DYNC2H1: variants seen among roughly 807,000 people sequenced by gnomAD.
DYNC2H1 encodes cytoplasmic dynein 2 heavy chain 1.
In DYNC2H1, 410 loss-of-function variants were observed where a neutral mutation model predicts 570.0. The observed-to-expected ratio is 0.72, with a 90% confidence interval of 0.66 to 0.78. The LOEUF is 0.78. DYNC2H1 is among the 30% of genes least tolerant of loss of function. DYNC2H1 has a pLI of 0.00. For missense variants in DYNC2H1, 4,865 were observed against 5,046.4 expected (o/e 0.96, Z 1.09); for synonymous variants, 1,688 against 1,677.6 (o/e 1.01, Z -0.15).
chr11:103,150,612 A>G (rs1391755297), intron 20 of DYNC2H1, among the ~76,000 whole-genome samples: 2 of 152,162 alleles, frequency 1.3e-5, no homozygotes, highest in Non-Finnish European at 2.9e-5. Flanking sequence ...AGTAAAGGTA[A>G]GGACTACAAA....
Position 103,259,905 on chromosome 11 carries a change from A to G in DYNC2H1, c.10623A>G (p.Glu3541=), listed in dbSNP as rs1865200729. The stretch of plus-strand genomic sequence containing the variant: ...ATCTACAGGATTCTGAAAATACAGA[A>G]CAGAGAATCCAGTCACTTATCAGCT... ...LQNKQDSENT[E]QRIQSLISSL... The change falls in exon 70 of 89, where the codon GAA becomes GAG. Residue 3541 remains glutamate, a synonymous_variant. Coordinates refer to ENST00000375735, the MANE Select transcript of DYNC2H1 (RefSeq NM_001377.3). The G allele has an allele frequency of 3.2e-6, 5 of 1,541,346 alleles. No individual in the cohort carries two copies. The highest frequency in any genetic ancestry group is 4.4e-6 in the Non-Finnish European group (5 of 1,142,170).
rs553234086 is a variant in DYNC2H1, at chr11:103,469,073, G to A, written c.12765+368G>A. Among the ~76,000 whole-genome samples the A allele has an allele frequency of 1.6e-4, 24 of 152,242 alleles. No individual in the cohort carries two copies. The South Asian group carries it at 4.6e-3, about 29-fold the overall frequency. On this transcript the variant is annotated intron_variant, in intron 88 of 88. Coordinates refer to ENST00000375735, the MANE Select transcript of DYNC2H1 (RefSeq NM_001377.3). ...AATCCTCCTCAGAGCAGCCATGCAAGGCAGATATTATTATTCCCACTTTCA... is the reference window on the plus strand; with the variant it reads ...AATCCTCCTCAGAGCAGCCATGCAAAGCAGATATTATTATTCCCACTTTCA...
intron 6 of DYNC2H1, 50 bp from the exon 7 acceptor site, chr11:103,120,397 G>A (rs750035443): frequency 4.1e-6 from 6 of 1,463,300 alleles, no homozygotes; most frequent in African/African-American, 2.8e-5. Flanking sequence ...ACCTATTTAT[G>A]CAAATGGTTG....
intron 54 of DYNC2H1, among the ~76,000 whole-genome samples, chr11:103,213,182 G>A (rs1863224051): frequency 6.6e-6 from 1 of 152,102 alleles, no homozygotes; most frequent in Non-Finnish European, 1.5e-5. Context: ...GGTAAGGCAA[G>A]TGAATGACAG....
At chr11:103,422,101 A>T (rs1253752950) in intron 84 of DYNC2H1, among the ~76,000 whole-genome samples, 2 of 152,304 alleles carry the variant, frequency 1.3e-5, no homozygotes, top group South Asian at 4.1e-4. Flanking sequence ...GAAGAAATGG[A>T]TAAATTCCTG....
intron 81 of DYNC2H1, among the ~76,000 whole-genome samples, 193 bp from the exon 82 acceptor site, chr11:103,323,693 G>C (rs1396165955): frequency 2.0e-5 from 3 of 151,994 alleles, no homozygotes; most frequent in Non-Finnish European, 4.4e-5. Context: ...TCAAATAATT[G>C]AAGTGTGAAG....
At position 103,245,196 on chromosome 11, in the gene DYNC2H1, T is replaced by A. The variant is rs1864566276; in HGVS notation, c.9919-55T>A. 1.5e-6 allele frequency: 2 copies of A among 1,349,370 alleles called. No homozygotes were observed. The highest frequency in any genetic ancestry group is 2.9e-5 in the South Asian group (2 of 69,326). 83.6% of individuals were successfully genotyped at this position (1,349,370 alleles called of 1,614,324 possible). ...CTGTAGAAAATCAAAGAAAGGATGTTTGTAAATATTAAAGTAATTAAATAA... is the reference window on the plus strand; with the variant it reads ...CTGTAGAAAATCAAAGAAAGGATGTATGTAAATATTAAAGTAATTAAATAA... On this transcript the variant is annotated intron_variant, in intron 64 of 88. Coordinates refer to ENST00000375735, the MANE Select transcript of DYNC2H1 (RefSeq NM_001377.3). The surrounding 1 kb of genome is among the most constrained non-coding windows in gnomAD (Gnocchi z 4.5).
chr11:103,435,840 A>T (rs928045606), intron 84 of DYNC2H1, 103 bp from the exon 85 acceptor site: 38 of 919,262 alleles, frequency 4.1e-5, no homozygotes, highest in African/African-American at 6.6e-5. Flanking sequence ...TCATATGTAT[A>T]TGTGAATTAT....
chr11:103,220,494 A>G (rs1011331138), intron 56 of DYNC2H1, 129 bp from the exon 57 acceptor site: 3 of 921,332 alleles, frequency 3.3e-6, no homozygotes, highest in Admixed American at 6.4e-5. Context: ...GCATTTTGAT[A>G]TTTTAAGAGA....
At position 103,268,454 on chromosome 11, in the gene DYNC2H1, A is replaced by G. The variant is rs556441070; in HGVS notation, c.10695+8477A>G. On this transcript the variant is annotated intron_variant, in intron 70 of 88. Coordinates refer to ENST00000375735, the MANE Select transcript of DYNC2H1 (RefSeq NM_001377.3). This position sits in a 1 kb window ranked among gnomAD's most constrained non-coding sequence, Gnocchi z 4.6. ...TTATCTTCTATTTTTTAATCATTGG[A>G]TTTACTTAATTTATACTTCTAGGTT... Among the ~76,000 whole-genome samples the G allele has an allele frequency of 8.6e-5, 13 of 151,806 alleles. No homozygotes were observed. Among genetic ancestry groups the G allele is most frequent in the Non-Finnish European group, 1.5e-4 (10 of 67,852 alleles).
Position 103,215,776 on chromosome 11 carries a change from A to C in DYNC2H1, c.8750A>C (p.Lys2917Thr). The change falls in exon 55 of 89, where the codon AAA (lysine) becomes ACA (threonine). Residue 2917 changes from lysine (K) to threonine (T), a missense_variant. Around this residue, in one of 5 missense-constraint regions of DYNC2H1, gnomAD observed 2,401 missense variants for 2,454.6 expected, o/e 0.98. Coordinates refer to ENST00000375735, the MANE Select transcript of DYNC2H1 (RefSeq NM_001377.3). ...GCTCTTGTGGATGAACTGAACAGAA[A>C]AGCTGGAGAACAAAGTGTGTTACTT... is the stretch of plus-strand genomic sequence containing the variant. ...AKALVDELNR[K>T]AGEQSVLLKT... The C allele has an allele frequency of 6.2e-7, 1 of 1,612,174 alleles. No individual in the cohort carries two copies. The highest frequency in any genetic ancestry group is 8.5e-7 in the Non-Finnish European group (1 of 1,178,952).
intron 70 of DYNC2H1, among the ~76,000 whole-genome samples, chr11:103,263,899 A>C (rs1310525118): frequency 1.3e-5 from 2 of 152,200 alleles, no homozygotes; most frequent in Non-Finnish European, 2.9e-5. Context: ...AAAACTCTTA[A>C]AAAAATCAAT....
intron 12 of DYNC2H1, among the ~76,000 whole-genome samples, chr11:103,126,763 A>T (rs1480761238): frequency 6.6e-6 from 1 of 151,648 alleles, no homozygotes; most frequent in Admixed American, 6.6e-5. Flanking sequence ...CAGCCTCCCG[A>T]GTAGCTGGGA....
At chr11:103,356,067 A>T (rs1048813306) in intron 82 of DYNC2H1, among the ~76,000 whole-genome samples, 7 of 152,176 alleles carry the variant, frequency 4.6e-5, no homozygotes, top group African/African-American at 1.7e-4. Context: ...CATGCTGTTA[A>T]TTATGGGTAG....
At chr11:103,304,218 T>C (rs2135398482) in intron 76 of DYNC2H1, among the ~76,000 whole-genome samples, 1 of 152,114 alleles carries the variant, frequency 6.6e-6, no homozygotes, top group Middle Eastern at 3.4e-3. Context: ...AAATGAAAGA[T>C]AGCAAAATAG....
At chr11:103,303,296 GT>G in intron 76 of DYNC2H1, 43 bp downstream of exon 76, 7 of 1,581,050 alleles carry the variant, frequency 4.4e-6, no homozygotes, top group Non-Finnish European at 5.2e-6. Flanking sequence ...TGCTATTGCT[GT>G]TCCCACACTT....
chr11:103,166,097 G>A, intron 31 of DYNC2H1, 49 bp downstream of exon 31: 2 of 1,440,222 alleles, frequency 1.4e-6, no homozygotes, highest in Non-Finnish European at 1.8e-6. Flanking sequence ...TTATTTTTTG[G>A]TATTCTATCC....
chr11:103,436,021 C>T lies in DYNC2H1; in HGVS notation c.12445C>T (p.Leu4149Phe). ...QYLRGLVARALAIQNWVDKAE... is the reference protein window; with the variant it reads ...QYLRGLVARAFAIQNWVDKAE... The stretch of plus-strand genomic sequence containing the variant: ...CCTGAGAGGTCTTGTTGCCCGTGCC[C>T]TTGCAATACAGGTATGCCTAAATTA... Residue 4149 changes from leucine (L) to phenylalanine (F), a missense_variant, in exon 85 of 89, where the codon CTT becomes TTT. By Grantham distance (22) the Leu-to-Phe change is conservative. This residue lies in a region of DYNC2H1 where 2,401 missense variants were observed against 2,454.6 expected (regional missense o/e 0.98). Transcript: ENST00000375735. 1 of 1,612,344 alleles carries T rather than the reference C, an allele frequency of 6.2e-7. No homozygotes were observed. The highest frequency in any genetic ancestry group is 8.5e-7 in the Non-Finnish European group (1 of 1,178,938).
At chr11:103,294,487 C>G (rs1346704051) in intron 75 of DYNC2H1, among the ~76,000 whole-genome samples, 2 of 152,168 alleles carry the variant, frequency 1.3e-5, no homozygotes, top group African/African-American at 2.4e-5. Flanking sequence ...GAAACACAGC[C>G]TTGGTGGACC....
Sources: allele counts gnomAD v4.1 joint callset (sites outside exome capture counted in the v4.1 genomes callset), GRCh38; gene constraint gnomAD v4.1.1; regional missense constraint gnomAD v4.1.1; non-coding constraint Gnocchi (gnomAD v3.1); transcripts MANE v1.5; gene names NCBI Gene and HGNC (gene_info 2026-07-23, HGNC 2026-07-21).